Variants in SLC25A21 observed in about 807,000 individuals in gnomAD.
SLC25A21 encodes solute carrier family 25 member 21.
A neutral mutation model predicts 43.8 loss-of-function variants in SLC25A21; 47 were observed. The ratio of observed to expected loss-of-function variants is 1.07; its 90% CI spans 0.85 to 1.37. The LOEUF is 1.37. Among genes scored for constraint, SLC25A21 ranks in the 40% most tolerant of loss-of-function variants. The pLI is 0.00. For missense variants in SLC25A21, 352 were observed against 350.2 expected (o/e 1.00, Z -0.04); for synonymous variants, 131 against 121.3 (o/e 1.08, Z -0.52).
At chr14:37,022,228 T>C (rs1296119456) in intron 1 of SLC25A21, among the ~76,000 whole-genome samples, 1 of 152,046 alleles carries the variant, frequency 6.6e-6, no homozygotes, top group Non-Finnish European at 1.5e-5. Context: ...AAACTTACTT[T>C]GTAATAATAA....
At chr14:36,733,652 A>C (rs534576232) in intron 4 of SLC25A21, among the ~76,000 whole-genome samples, 2 of 152,282 alleles carry the variant, frequency 1.3e-5, no homozygotes, top group South Asian at 4.1e-4. Context: ...TTTCACACAC[A>C]TGAGTAATGT....
chr14:37,112,327 C>T (rs1016848660), intron 1 of SLC25A21, among the ~76,000 whole-genome samples: 1 of 151,998 alleles, frequency 6.6e-6, no homozygotes, highest in African/African-American at 2.4e-5. Context: ...ATTGTCAATA[C>T]TCTAGTGTAA....
intron 2 of SLC25A21, among the ~76,000 whole-genome samples, chr14:36,864,913 C>T (rs1342013799): frequency 2.0e-5 from 3 of 152,090 alleles, no homozygotes; most frequent in Non-Finnish European, 2.9e-5. Context: ...CCCAGCTGCT[C>T]TGTTATTTAT....
chr14:37,051,491 C>G (rs953668075), intron 1 of SLC25A21, among the ~76,000 whole-genome samples: 1 of 152,162 alleles, frequency 6.6e-6, no homozygotes, highest in Admixed American at 6.5e-5. Context: ...AGACTGAACT[C>G]CTAGGCTATG....
chr14:37,086,073 G>C (rs1040573909), intron 1 of SLC25A21, among the ~76,000 whole-genome samples: 3 of 152,062 alleles, frequency 2.0e-5, no homozygotes, highest in African/African-American at 4.8e-5. Context: ...CCACTGCACT[G>C]TAGCCTGGGC....
At chr14:36,899,541 G>T (rs1891343341) in intron 1 of SLC25A21, among the ~76,000 whole-genome samples, 1 of 152,164 alleles carries the variant, frequency 6.6e-6, no homozygotes, top group African/African-American at 2.4e-5. Context: ...AGAGACCAGG[G>T]CCAGGAGGCT....
intron 1 of SLC25A21, among the ~76,000 whole-genome samples, chr14:37,134,591 G>A (rs1963445537): frequency 6.7e-6 from 1 of 149,146 alleles, no homozygotes; most frequent in Admixed American, 6.7e-5. Flanking sequence ...GCTGCAGTGA[G>A]CCATGCTCAC....
chr14:36,838,859 G>T (rs1889295164), intron 2 of SLC25A21, among the ~76,000 whole-genome samples: 1 of 152,122 alleles, frequency 6.6e-6, no homozygotes, highest in South Asian at 2.1e-4. Context: ...AATTTTAGTT[G>T]GTTAAGTACA....
intron 3 of SLC25A21, among the ~76,000 whole-genome samples, chr14:36,797,172 A>C (rs1887703947): frequency 6.6e-6 from 1 of 152,214 alleles, no homozygotes; most frequent in African/African-American, 2.4e-5. Context: ...TCAAAATATT[A>C]AAGTCAAGCA....
chr14:36,820,384 G>A (rs1194772130), intron 2 of SLC25A21, among the ~76,000 whole-genome samples: 1 of 152,090 alleles, frequency 6.6e-6, no homozygotes, highest in Non-Finnish European at 1.5e-5. Flanking sequence ...AAATGCAGGG[G>A]ATCCTTACCA....
At chr14:36,929,369 T>C (rs1470301096) in intron 1 of SLC25A21, among the ~76,000 whole-genome samples, 1 of 152,216 alleles carries the variant, frequency 6.6e-6, no homozygotes, top group Non-Finnish European at 1.5e-5. Context: ...AGCCTTTTTA[T>C]AGAGATCCTC....
At chr14:37,141,853 G>C (rs1963576994) in intron 1 of SLC25A21, among the ~76,000 whole-genome samples, 1 of 152,090 alleles carries the variant, frequency 6.6e-6, no homozygotes, top group Non-Finnish European at 1.5e-5. Flanking sequence ...TATGATACAG[G>C]CTCCATCCTC....
intron 1 of SLC25A21, among the ~76,000 whole-genome samples, chr14:37,136,584 A>G (rs1963483402): frequency 6.6e-6 from 1 of 152,210 alleles, no homozygotes. Flanking sequence ...TATCCATTTA[A>G]AAACCTGCAC....
At chr14:37,043,456 T>G (rs1037136100) in intron 1 of SLC25A21, among the ~76,000 whole-genome samples, 1 of 152,216 alleles carries the variant, frequency 6.6e-6, no homozygotes, top group Non-Finnish European at 1.5e-5. Context: ...CAGTCCTCTG[T>G]GAGCCCTCCT....
intron 1 of SLC25A21, among the ~76,000 whole-genome samples, chr14:36,930,661 CT>C (rs1009689043): frequency 6.6e-6 from 1 of 152,092 alleles, no homozygotes; most frequent in African/African-American, 2.4e-5. Context: ...CCATAATAAT[CT>C]TTTCACAGCA....
At chr14:36,954,066 T>C (rs1959260795) in intron 1 of SLC25A21, among the ~76,000 whole-genome samples, 2 of 152,172 alleles carry the variant, frequency 1.3e-5, no homozygotes, top group African/African-American at 2.4e-5. Context: ...CAGACTATCA[T>C]ACTGGTGGCC....
At chr14:36,782,453 T>C (rs1227007140) in intron 3 of SLC25A21, among the ~76,000 whole-genome samples, 1 of 152,196 alleles carries the variant, frequency 6.6e-6, no homozygotes, top group African/African-American at 2.4e-5. Flanking sequence ...AATTATTGTG[T>C]TCTCTTGGTA....
chr14:36,800,845 G>C (rs1186277706), intron 3 of SLC25A21, among the ~76,000 whole-genome samples: 1 of 152,078 alleles, frequency 6.6e-6, no homozygotes, highest in Non-Finnish European at 1.5e-5. Context: ...TGTTTAGTTA[G>C]TTTGTCTTTT....
chr14:36,713,143 A>C (rs1353151791), intron 6 of SLC25A21, among the ~76,000 whole-genome samples: 1 of 151,854 alleles, frequency 6.6e-6, no homozygotes, highest in Non-Finnish European at 1.5e-5. Flanking sequence ...TCTTGAGGGC[A>C]TGAGGGCGGA....
Sources: allele counts gnomAD v4.1 joint callset (sites outside exome capture counted in the v4.1 genomes callset), GRCh38; gene constraint gnomAD v4.1.1; transcripts MANE v1.5; gene names NCBI Gene and HGNC (gene_info 2026-07-23, HGNC 2026-07-21).